Variants in CHCHD6 observed in about 807,000 individuals in gnomAD.
CHCHD6 encodes MICOS complex subunit MIC25.
CHCHD6 carries 28 observed loss-of-function variants against 32.3 expected under a neutral mutation model. The ratio of observed to expected loss-of-function variants is 0.87; its 90% CI spans 0.64 to 1.19. The LOEUF is 1.19. Ranked by LOEUF, CHCHD6 falls within the 50% of genes most tolerant of loss-of-function variation. The probability of loss-of-function intolerance (pLI) is 0.00; values close to 1 mark genes in which losing one functional copy is unlikely to be tolerated. For synonymous variants in CHCHD6, 122 were observed against 117.5 expected (o/e 1.04, Z -0.25); for missense variants, 333 against 307.0 (o/e 1.08, Z -0.63).
intron 6 of CHCHD6, among the ~76,000 whole-genome samples, chr3:126,915,261 T>G (rs1261031016): frequency 2.0e-5 from 3 of 152,246 alleles, no homozygotes; most frequent in East Asian, 3.8e-4. Flanking sequence ...AGCTGCTGGC[T>G]TGCTCAGATC....
intron 4 of CHCHD6, 76 bp downstream of exon 4, chr3:126,733,298 C>T: frequency 2.8e-6 from 4 of 1,404,792 alleles, no homozygotes; most frequent in Non-Finnish European, 3.9e-6. Flanking sequence ...GCCCTGGCAC[C>T]TGGTTAGTCT....
intron 5 of CHCHD6, among the ~76,000 whole-genome samples, chr3:126,863,671 A>G (rs1942072672): frequency 1.6e-5 from 2 of 128,092 alleles, no homozygotes; most frequent in Non-Finnish European, 1.6e-5. Context: ...CTCCACCATC[A>G]CCACCTCCTC....
intron 4 of CHCHD6, chr3:126,766,825 G>T: frequency 5.1e-6 from 5 of 981,400 alleles, no homozygotes; most frequent in Non-Finnish European, 8.3e-6. Flanking sequence ...GGTGTAACCA[G>T]TATAGATCTG....
intron 4 of CHCHD6, among the ~76,000 whole-genome samples, chr3:126,745,529 G>A (rs763060459): frequency 1.3e-5 from 2 of 152,170 alleles, no homozygotes; most frequent in Non-Finnish European, 2.9e-5. Flanking sequence ...GGAGCTACAC[G>A]GGTGACTAAT....
intron 6 of CHCHD6, among the ~76,000 whole-genome samples, chr3:126,930,418 T>C (rs569802327): frequency 4.6e-5 from 7 of 152,374 alleles, no homozygotes; most frequent in Admixed American, 3.9e-4. Flanking sequence ...TCTCTTGGTA[T>C]TCCTGGGCAC....
chr3:126,721,074 C>G (rs777634512), intron 1 of CHCHD6, among the ~76,000 whole-genome samples: 3 of 152,196 alleles, frequency 2.0e-5, no homozygotes, highest in Non-Finnish European at 4.4e-5. Flanking sequence ...AACTTGAGAT[C>G]AAAACTCCTT....
rs532511541 is a variant in CHCHD6, at chr3:126,801,983, A to G, written c.412-50664A>G. On this transcript the variant is annotated intron_variant, in intron 4 of 7. Transcript: ENST00000290913. ...TGGAGTGGACCTCTAGCAAACTCCAACAGATCTGCAGCTGAGGGTCCTGTC... is the reference window on the plus strand; with the variant it reads ...TGGAGTGGACCTCTAGCAAACTCCAGCAGATCTGCAGCTGAGGGTCCTGTC... 3.2e-4 allele frequency among the ~76,000 whole-genome samples: 48 copies of G among 152,350 alleles called. 1 individual carries two copies. Among genetic ancestry groups the G allele is most frequent in the Admixed American group, 7.8e-4 (12 of 15,306 alleles).
At chr3:126,953,718 A>G (rs948727039) in intron 6 of CHCHD6, among the ~76,000 whole-genome samples, 2 of 152,148 alleles carry the variant, frequency 1.3e-5, no homozygotes, top group African/African-American at 4.8e-5. Context: ...CCCATACACC[A>G]ATGCGAATGG....
rs551226236 is a variant in CHCHD6 at position 126,903,314 on chromosome 3, G to A, written c.496-11366G>A. ...ACCACCCCCGCCTTCAGTCTGAGCA[G>A]CCGCACTGGATCCTCAGGGCATAAC... On this transcript the variant is annotated intron_variant, in intron 5 of 7. Coordinates refer to ENST00000290913, the MANE Select transcript of CHCHD6 (RefSeq NM_032343.3). Among the ~76,000 whole-genome samples, 3 of 152,318 alleles carry A rather than the reference G, an allele frequency of 2.0e-5. No homozygotes were observed. In the East Asian group the frequency reaches 5.8e-4, roughly 29 times the overall value.
At chr3:126,959,105 C>A (rs942847588) in intron 7 of CHCHD6, among the ~76,000 whole-genome samples, 2 of 152,228 alleles carry the variant, frequency 1.3e-5, no homozygotes, top group African/African-American at 4.8e-5. Context: ...AAGAGTATTT[C>A]TTTAACAAAC....
At chr3:126,708,497 TG>T (rs1467047875) in intron 1 of CHCHD6, among the ~76,000 whole-genome samples, 1 of 152,118 alleles carries the variant, frequency 6.6e-6, no homozygotes, top group Non-Finnish European at 1.5e-5. Context: ...AGGTTCTGTC[TG>T]GTGACACTGA....
intron 4 of CHCHD6, among the ~76,000 whole-genome samples, chr3:126,788,785 T>C (rs1335268339): frequency 2.6e-5 from 4 of 152,168 alleles, no homozygotes; most frequent in African/African-American, 9.7e-5. Flanking sequence ...CCTGGATTCA[T>C]TGATTTTTTG....
At chr3:126,707,261 TA>T (rs74269416) in intron 1 of CHCHD6, among the ~76,000 whole-genome samples, 21,746 of 135,250 alleles carry the variant, frequency 0.16, 1,604 homozygotes, top group South Asian at 0.3. Context: ...GACTCCGTCT[TA>T]AAAAAAAAAA....
chr3:126,770,884 A>T (rs1260952580), intron 4 of CHCHD6, among the ~76,000 whole-genome samples: 1 of 152,164 alleles, frequency 6.6e-6, no homozygotes, highest in African/African-American at 2.4e-5. Context: ...ATTTTTTGAA[A>T]TAGTTTCAGT....
At chr3:126,946,876 G>A (rs573276650) in intron 6 of CHCHD6, among the ~76,000 whole-genome samples, 1 of 152,248 alleles carries the variant, frequency 6.6e-6, no homozygotes, top group Non-Finnish European at 1.5e-5. Context: ...CTGAAATTAA[G>A]TATCAGGAGG....
intron 5 of CHCHD6, among the ~76,000 whole-genome samples, chr3:126,892,918 TTTTTTG>T (rs1264430757): frequency 2.0e-5 from 3 of 152,130 alleles, no homozygotes. Flanking sequence ...CTTCAGCTGT[TTTTTTG>T]TTTTTGTTTT....
intron 1 of CHCHD6, among the ~76,000 whole-genome samples, chr3:126,718,401 A>G (rs539709784): frequency 6.6e-6 from 1 of 152,330 alleles, no homozygotes; most frequent in Non-Finnish European, 1.5e-5. Flanking sequence ...AAATCACTGT[A>G]GAGTCTGTAC....
intron 4 of CHCHD6, chr3:126,780,415 T>C: frequency 2.6e-6 from 1 of 386,806 alleles, no homozygotes; most frequent in Non-Finnish European, 5.1e-6. Flanking sequence ...TCCAGCCGCC[T>C]GGCTCCCTGC....
At chr3:126,736,278 G>A (rs1276745555) in intron 4 of CHCHD6, among the ~76,000 whole-genome samples, 2 of 152,190 alleles carry the variant, frequency 1.3e-5, no homozygotes, top group South Asian at 2.1e-4. Context: ...AGTGCTGAAG[G>A]GACTGGTGGT....
Sources: allele counts gnomAD v4.1 joint callset (sites outside exome capture counted in the v4.1 genomes callset), GRCh38; gene constraint gnomAD v4.1.1; transcripts MANE v1.5; gene names NCBI Gene and HGNC (gene_info 2026-07-23, HGNC 2026-07-21).